SLIT3: variants seen among roughly 807,000 people sequenced by gnomAD.
SLIT3 encodes slit homolog 3 protein.
In SLIT3, 68 loss-of-function variants were observed where a neutral mutation model predicts 184.0. That is an observed-to-expected ratio of 0.37 (90% CI 0.30 to 0.45). The LOEUF (loss-of-function observed/expected upper bound fraction) is 0.45, where lower values mean the gene tolerates loss of function less well. Among genes scored for constraint, SLIT3 ranks in the 20% least tolerant of loss-of-function variants. The pLI is 1.00. For missense variants in SLIT3, 1,707 were observed against 2,026.0 expected (o/e 0.84, Z 3.02); for synonymous variants, 831 against 828.6 (o/e 1.00, Z -0.05).
intron 4 of SLIT3, among the ~76,000 whole-genome samples, chr5:169,047,241 T>C (rs1164561408): frequency 1.3e-5 from 2 of 152,262 alleles, no homozygotes; most frequent in East Asian, 3.9e-4. Flanking sequence ...CCATCCTCCT[T>C]ATCCTGGTGA....
At chr5:169,047,519 C>T (rs1328695192) in intron 4 of SLIT3, among the ~76,000 whole-genome samples, 1 of 52,466 alleles carries the variant, frequency 1.9e-5, no homozygotes, top group East Asian at 7.7e-4. Context: ...TAGATGGAAC[C>T]TACCCTTCCA....
At chr5:168,987,183 A>G (rs780591931) in intron 4 of SLIT3, among the ~76,000 whole-genome samples, 22 of 152,110 alleles carry the variant, frequency 1.4e-4, no homozygotes, top group Non-Finnish European at 1.5e-5. Context: ...CCTTCCCCTT[A>G]ACCTGGAATC....
chr5:168,890,093 T>C lies in SLIT3; in HGVS notation c.414-6757A>G, dbSNP rs1053301939. Among the ~76,000 whole-genome samples, 3 of 129,708 alleles carry C rather than the reference T, an allele frequency of 2.3e-5. No individual in the cohort carries two copies. In the Admixed American group the frequency reaches 2.8e-4, roughly 12 times the overall value. 85.1% of individuals were successfully genotyped at this position (129,708 alleles called of 152,430 possible). On this transcript the variant is annotated intron_variant, in intron 4 of 35. Coordinates refer to ENST00000519560, the MANE Select transcript of SLIT3 (RefSeq NM_003062.4). Reference sequence around the variant, plus strand: ...AGCGGGAGGTTGCAGTGAGCCAAGATCACACCACCGCACCCCAGCCTGGGT... The same window carrying C: ...AGCGGGAGGTTGCAGTGAGCCAAGACCACACCACCGCACCCCAGCCTGGGT...
intron 4 of SLIT3, among the ~76,000 whole-genome samples, chr5:169,110,259 T>C (rs1000341045): frequency 6.6e-6 from 1 of 152,220 alleles, no homozygotes; most frequent in African/African-American, 2.4e-5. Context: ...AAAATACTTA[T>C]CATCTGACAC....
At chr5:168,738,347 C>A (rs1252441922) in intron 20 of SLIT3, among the ~76,000 whole-genome samples, 1 of 152,176 alleles carries the variant, frequency 6.6e-6, no homozygotes, top group African/African-American at 2.4e-5. Flanking sequence ...TTTACCAAAA[C>A]CAGGAATGCC....
intron 4 of SLIT3, chr5:169,012,696 A>G (rs1434146298): frequency 6.6e-6 from 1 of 152,180 alleles, no homozygotes; most frequent in African/African-American, 2.4e-5. Context: ...AGTTGCCCAT[A>G]TCAGATATCT....
At chr5:169,249,951 G>A (rs772409830) in intron 2 of SLIT3, among the ~76,000 whole-genome samples, 30 of 152,244 alleles carry the variant, frequency 2.0e-4, no homozygotes, top group Non-Finnish European at 3.8e-4. Context: ...CCCCACACAT[G>A]TGTACATAAC....
chr5:168,718,743 CTCTCTT>C (rs1473026663), intron 23 of SLIT3, among the ~76,000 whole-genome samples: 4 of 151,050 alleles, frequency 2.6e-5, no homozygotes, highest in South Asian at 2.1e-4. Context: ...CTCTCTCTCT[CTCTCTT>C]TCTCTCTCTC....
intron 24 of SLIT3, among the ~76,000 whole-genome samples, chr5:168,711,562 T>C (rs1434858284): frequency 2.6e-5 from 4 of 152,164 alleles, no homozygotes; most frequent in Non-Finnish European, 5.9e-5. Context: ...ACAATTCTAC[T>C]TTTGAAAGTT....
chr5:169,245,903 A>G (rs185338302), intron 2 of SLIT3, among the ~76,000 whole-genome samples: 1 of 152,190 alleles, frequency 6.6e-6, no homozygotes, highest in Non-Finnish European at 1.5e-5. Context: ...GAAGATAGAC[A>G]TTCTGTCCAT....
chr5:169,110,323 G>A (rs1760366715), intron 4 of SLIT3, among the ~76,000 whole-genome samples: 1 of 152,152 alleles, frequency 6.6e-6, no homozygotes, highest in Admixed American at 6.5e-5. Context: ...AACTGTATGA[G>A]TTCCCTAAAG....
intron 4 of SLIT3, among the ~76,000 whole-genome samples, chr5:169,179,276 CTT>C (rs370270230): frequency 0.047 from 5,855 of 124,984 alleles, 275 homozygotes; most frequent in East Asian, 0.26. Context: ...ATTCCTTTTT[CTT>C]TTTTTTTTTT....
Position 168,878,717 on chromosome 5 carries a change from C to CTTTT in SLIT3, c.485+4544_485+4547dup, listed in dbSNP as rs35132944. 4.0e-3 allele frequency among the ~76,000 whole-genome samples: 567 copies of CTTTT among 140,742 alleles called. 3 individuals carry two copies. The highest frequency in any genetic ancestry group is 0.011 in the South Asian group (47 of 4,444). The allele number at this position is 140,742 out of a possible 152,430, so 92.3% of individuals were successfully genotyped here. ...AAAATGTGGGTATCACAGTTTCTTC[C>CTTTT]TTTTTTTTTTTTTTTTAAGACTGAG... On this transcript the variant is annotated intron_variant, in intron 5 of 35. Transcript: ENST00000519560.
At chr5:168,669,678 AT>A in intron 35 of SLIT3, 104 bp downstream of exon 35, 1 of 886,062 alleles carries the variant, frequency 1.1e-6, no homozygotes, top group South Asian at 1.5e-5. Context: ...AACCAAGGTC[AT>A]GCAGCCTTTA....
At position 168,952,347 on chromosome 5, in the gene SLIT3, G is replaced by A. The variant is rs1762674780; in HGVS notation, c.414-69011C>T. ...TTCTGGCATTCCTGGTGCTCCAGCTGTAAGAGGTTTATTACTGGAGCTCAG... is the reference window on the plus strand; with the variant it reads ...TTCTGGCATTCCTGGTGCTCCAGCTATAAGAGGTTTATTACTGGAGCTCAG... On this transcript the variant is annotated intron_variant, in intron 4 of 35. Coordinates refer to ENST00000519560, the MANE Select transcript of SLIT3 (RefSeq NM_003062.4). 2.6e-5 allele frequency among the ~76,000 whole-genome samples: 4 copies of A among 152,218 alleles called. No homozygotes were observed. The South Asian group carries it at 6.2e-4, about 24-fold the overall frequency.
chr5:169,013,825 A>C (rs1756257481), intron 4 of SLIT3, among the ~76,000 whole-genome samples: 1 of 152,018 alleles, frequency 6.6e-6, no homozygotes, highest in South Asian at 2.1e-4. Flanking sequence ...CTTCTTCCTC[A>C]CATTGTCGTA....
chr5:168,693,627 G>A (rs925252015), intron 28 of SLIT3, among the ~76,000 whole-genome samples: 1 of 152,200 alleles, frequency 6.6e-6, no homozygotes, highest in African/African-American at 2.4e-5. Flanking sequence ...GAGAGGGAAA[G>A]GTCTAACCAT....
intron 12 of SLIT3, among the ~76,000 whole-genome samples, chr5:168,778,065 G>A (rs1755822757): frequency 6.6e-6 from 1 of 152,016 alleles, no homozygotes; most frequent in Admixed American, 6.6e-5. Context: ...CCCCCTTTTT[G>A]CAGCAGAGAT....
chr5:169,098,333 A>G (rs1759871173), intron 4 of SLIT3, among the ~76,000 whole-genome samples: 1 of 152,178 alleles, frequency 6.6e-6, no homozygotes, highest in Non-Finnish European at 1.5e-5. Context: ...TATACATGCA[A>G]CCGATAACTA....
Sources: allele counts gnomAD v4.1 joint callset (sites outside exome capture counted in the v4.1 genomes callset), GRCh38; gene constraint gnomAD v4.1.1; transcripts MANE v1.5; gene names NCBI Gene and HGNC (gene_info 2026-07-23, HGNC 2026-07-21).